The following ARFGEF2 variants were observed in gnomAD, a reference collection of about 807,000 sequenced individuals.
ARFGEF2 encodes the protein brefeldin A-inhibited guanine nucleotide-exchange protein 2.
ARFGEF2 carries 74 observed loss-of-function variants against 219.9 expected under a neutral mutation model. That is an observed-to-expected ratio of 0.34 (90% CI 0.28 to 0.41). The LOEUF is 0.41. Among genes scored for constraint, ARFGEF2 ranks in the 10% least tolerant of loss-of-function variants. The pLI, the probability that ARFGEF2 is intolerant of heterozygous loss-of-function variation, is 1.00. For synonymous variants in ARFGEF2, 733 were observed against 799.2 expected (o/e 0.92, Z 1.40); for missense variants, 1,743 against 2,218.3 (o/e 0.79, Z 4.30).
At chr20:49,018,472 G>T (rs976373688) in intron 33 of ARFGEF2, among the ~76,000 whole-genome samples, 1 of 152,108 alleles carries the variant, frequency 6.6e-6, no homozygotes, top group Admixed American at 6.6e-5. Flanking sequence ...CTGACCTCAG[G>T]TGATCCGCCT....
intron 23 of ARFGEF2, among the ~76,000 whole-genome samples, chr20:48,996,136 A>G (rs758507785): frequency 2.0e-5 from 3 of 152,296 alleles, no homozygotes; most frequent in Admixed American, 6.5e-5. Context: ...CCTTAGTAGA[A>G]ATTATTTTTT....
At chr20:48,964,693 G>A (rs754718788) in intron 7 of ARFGEF2, among the ~76,000 whole-genome samples, 1 of 152,156 alleles carries the variant, frequency 6.6e-6, no homozygotes, top group Non-Finnish European at 1.5e-5. Context: ...AACTTGTATG[G>A]CTCAGAATGA....
rs982052669 is a variant in ARFGEF2, at chr20:49,036,006, C to T, written c.*2807C>T. The T allele has an allele frequency of 5.4e-6, 2 of 367,660 alleles. No homozygotes were observed. Among genetic ancestry groups the T allele is most frequent in the Non-Finnish European group, 9.5e-6 (2 of 210,030 alleles). The allele number at this position is 367,660 out of a possible 1,614,324, so 22.8% of individuals were successfully genotyped here. On this transcript the variant is annotated 3_prime_UTR_variant, in exon 39 of 39. Coordinates refer to ENST00000371917, the MANE Select transcript of ARFGEF2 (RefSeq NM_006420.3). ...TTTGTACGAAATGAAAAAAAAAAAACCTGTATTTTTTTTGTTGTTCTTTTG... is the reference window on the plus strand; with the variant it reads ...TTTGTACGAAATGAAAAAAAAAAAATCTGTATTTTTTTTGTTGTTCTTTTG...
chr20:48,926,310 A>AAAGC (rs751129837), intron 1 of ARFGEF2, among the ~76,000 whole-genome samples: 1 of 152,222 alleles, frequency 6.6e-6, no homozygotes, highest in Admixed American at 6.5e-5. Context: ...GATATGTTTG[A>AAAGC]AAGCCTTGAG....
chr20:49,012,683 T>C (rs565659180), intron 28 of ARFGEF2, among the ~76,000 whole-genome samples: 2 of 152,172 alleles, frequency 1.3e-5, no homozygotes, highest in Non-Finnish European at 2.9e-5. Context: ...GTGATATGTC[T>C]CATCTCTTAC....
intron 9 of ARFGEF2, among the ~76,000 whole-genome samples, chr20:48,970,615 AAAAT>A (rs1049722370): frequency 9.2e-5 from 14 of 152,210 alleles, no homozygotes; most frequent in African/African-American, 1.4e-4. Context: ...CCGTCTCAAA[AAAAT>A]AAATAAATAA....
chr20:49,007,568 C>T lies in ARFGEF2; in HGVS notation c.3584+2347C>T, dbSNP rs1343724933. ...CCTCCCAAAGTGCTGGGATTACAGG[C>T]GTGAGCCGCCACACCTGGTGTTGCT... On this transcript the variant is annotated intron_variant, in intron 26 of 38. Transcript: ENST00000371917. Among the ~76,000 whole-genome samples, 10 of 138,802 alleles carry T rather than the reference C, an allele frequency of 7.2e-5. No homozygotes were observed. In the South Asian group the frequency reaches 2.3e-3, roughly 32 times the overall value. 91.1% of individuals were successfully genotyped at this position (138,802 alleles called of 152,430 possible).
Position 48,921,770 on chromosome 20 carries a change from G to A in ARFGEF2, c.-120G>A, listed in dbSNP as rs2090840762. 9.2e-7 allele frequency: 1 copy of A among 1,084,520 alleles called. No individual in the cohort carries two copies. 67.2% of individuals were successfully genotyped at this position (1,084,520 alleles called of 1,614,324 possible). ...CCGTGGGGCCGAGGTGTCGCTTCCT[G>A]ACGGGGCGGCGCGGACGGACGCGGC... On this transcript the variant is annotated 5_prime_UTR_variant, in exon 1 of 39. It removes the in-frame stop codon of an upstream open reading frame in the 5' UTR. Coordinates refer to ENST00000371917, the MANE Select transcript of ARFGEF2 (RefSeq NM_006420.3).
chr20:48,986,348 G>A (rs545967173), intron 16 of ARFGEF2, among the ~76,000 whole-genome samples: 3 of 152,286 alleles, frequency 2.0e-5, no homozygotes, highest in Non-Finnish European at 2.9e-5. Context: ...TCATGTTCGG[G>A]CTGGATGCAG....
At chr20:48,994,346 T>C in intron 21 of ARFGEF2, 105 bp from the exon 22 acceptor site, 1 of 1,364,206 alleles carries the variant, frequency 7.3e-7, no homozygotes, top group Non-Finnish European at 1.0e-6. Flanking sequence ...CTATATGGCA[T>C]AACTCCATTG....
chr20:48,926,695 T>C (rs2090878962), intron 1 of ARFGEF2, among the ~76,000 whole-genome samples: 1 of 152,114 alleles, frequency 6.6e-6, no homozygotes, highest in Non-Finnish European at 1.5e-5. Context: ...TTCTAATTGA[T>C]GATATCTCTT....
At chr20:48,985,342 C>A in intron 15 of ARFGEF2, 66 bp from the exon 16 acceptor site, 7 of 1,551,982 alleles carry the variant, frequency 4.5e-6, no homozygotes, top group Non-Finnish European at 6.2e-6. Context: ...CACCCTTTGG[C>A]TGCTGGCTTT....
intron 38 of ARFGEF2, among the ~76,000 whole-genome samples, chr20:49,032,597 CT>C (rs1360930552): frequency 1.8e-3 from 266 of 144,192 alleles, no homozygotes; most frequent in Middle Eastern, 0.011. Flanking sequence ...TCTTCAACTT[CT>C]TTTTTTTTTT....
intron 26 of ARFGEF2, among the ~76,000 whole-genome samples, chr20:49,008,707 G>GTTT (rs796608906): frequency 2.6e-4 from 34 of 132,434 alleles, no homozygotes; most frequent in African/African-American, 3.4e-4. Flanking sequence ...TCATGTAAAG[G>GTTT]TTTTTTTTTT....
chr20:48,947,581 C>A (rs2091036143), intron 3 of ARFGEF2, among the ~76,000 whole-genome samples: 1 of 151,892 alleles, frequency 6.6e-6, no homozygotes, highest in Admixed American at 6.6e-5. Context: ...ATATATATGG[C>A]CAGGCGCAGT....
chr20:49,016,450 C>T, intron 31 of ARFGEF2, 35 bp downstream of exon 31: 1 of 1,605,228 alleles, frequency 6.2e-7, no homozygotes. Flanking sequence ...ATTTTTCTTA[C>T]ATAGTCTTTA....
intron 16 of ARFGEF2, 88 bp downstream of exon 16, chr20:48,985,701 A>AT: frequency 7.3e-7 from 1 of 1,379,304 alleles, no homozygotes; most frequent in Non-Finnish European, 1.0e-6. Flanking sequence ...TAATCTTTGT[A>AT]TATCTGTGCC....
chr20:48,954,846 C>T (rs1280593328), intron 6 of ARFGEF2, among the ~76,000 whole-genome samples: 1 of 152,148 alleles, frequency 6.6e-6, no homozygotes, highest in African/African-American at 2.4e-5. Flanking sequence ...CTCAGAATCC[C>T]CCGGCCCACC....
At chr20:49,008,360 C>T (rs1043135782) in intron 26 of ARFGEF2, among the ~76,000 whole-genome samples, 4 of 151,754 alleles carry the variant, frequency 2.6e-5, no homozygotes, top group African/African-American at 9.7e-5. Flanking sequence ...GTCAGGAATT[C>T]GAGACCAGCC....
Sources: gnomAD v4.1 joint callset for allele counts (sites outside exome capture counted in the v4.1 genomes callset) on GRCh38, gnomAD v4.1.1 for gene constraint, MANE v1.5 for transcripts, NCBI Gene and HGNC (gene_info 2026-07-23, HGNC 2026-07-21) for gene names.